The following ATXN1 variants were observed in gnomAD, a reference collection of about 807,000 sequenced individuals.
ATXN1 encodes the protein ataxin 1.
A neutral mutation model predicts 56.4 loss-of-function variants in ATXN1; 8 were observed. The observed-to-expected ratio is 0.14, with a 90% CI of 0.08 to 0.26. The LOEUF is 0.26. Ranked by LOEUF, ATXN1 falls within the 10% of genes least tolerant of loss-of-function variation. ATXN1 has a pLI of 1.00. For synonymous variants in ATXN1, 514 were observed against 494.6 expected (o/e 1.04, Z -0.52); for missense variants, 987 against 1,106.5 (o/e 0.89, Z 1.53).
chr6:16,670,947 T>C (rs879653101), intron 2 of ATXN1, among the ~76,000 whole-genome samples: 1 of 152,232 alleles, frequency 6.6e-6, no homozygotes, highest in Non-Finnish European at 1.5e-5. Flanking sequence ...GTGGAACATA[T>C]AATCTAGATT....
intron 3 of ATXN1, among the ~76,000 whole-genome samples, chr6:16,589,171 G>A (rs545850368): frequency 2.6e-5 from 4 of 152,086 alleles, no homozygotes; most frequent in Admixed American, 1.3e-4. Context: ...TGGGAAGTGG[G>A]GGCCCTTTTC....
chr6:16,518,939 T>C (rs1448534226), intron 5 of ATXN1, among the ~76,000 whole-genome samples: 1 of 152,194 alleles, frequency 6.6e-6, no homozygotes, highest in Non-Finnish European at 1.5e-5. Flanking sequence ...TCTTACCTTG[T>C]GACTTTATAT....
intron 4 of ATXN1, among the ~76,000 whole-genome samples, chr6:16,569,623 T>C (rs1762295162): frequency 6.6e-6 from 1 of 151,118 alleles, no homozygotes; most frequent in Non-Finnish European, 1.5e-5. Flanking sequence ...AGGGTACTCA[T>C]GGCCAAATCT....
chr6:16,382,326 G>A (rs768876819), intron 6 of ATXN1, among the ~76,000 whole-genome samples: 2 of 151,776 alleles, frequency 1.3e-5, no homozygotes, highest in Admixed American at 6.6e-5. Context: ...ACCCAGGTAC[G>A]GTGGTGTGCA....
At chr6:16,374,232 C>G (rs1020331237) in intron 6 of ATXN1, among the ~76,000 whole-genome samples, 2 of 149,706 alleles carry the variant, frequency 1.3e-5, no homozygotes, top group African/African-American at 4.9e-5. Context: ...AATTAGGGAA[C>G]AAGACCATAT....
intron 6 of ATXN1, among the ~76,000 whole-genome samples, chr6:16,412,745 C>A (rs1190793890): frequency 2.6e-5 from 4 of 152,182 alleles, no homozygotes; most frequent in Non-Finnish European, 4.4e-5. Flanking sequence ...AAGGCCTTTA[C>A]ATATAAAGCT....
intron 4 of ATXN1, among the ~76,000 whole-genome samples, chr6:16,575,023 T>C (rs894740511): frequency 6.6e-6 from 1 of 152,114 alleles, no homozygotes; most frequent in Non-Finnish European, 1.5e-5. Context: ...AGTGAGATTA[T>C]GCCTTTTCAG....
intron 6 of ATXN1, among the ~76,000 whole-genome samples, chr6:16,397,349 C>T (rs1044892660): frequency 6.6e-6 from 1 of 152,168 alleles, no homozygotes; most frequent in African/African-American, 2.4e-5. Flanking sequence ...TGGCTCACTG[C>T]AACCTCCACC....
At chr6:16,727,809 A>C (rs1471287946) in intron 2 of ATXN1, among the ~76,000 whole-genome samples, 1 of 152,206 alleles carries the variant, frequency 6.6e-6, no homozygotes, top group Non-Finnish European at 1.5e-5. Context: ...AAAATTAACA[A>C]AATTTCTGTC....
rs1165455203 is a variant in ATXN1 at position 16,326,770 on chromosome 6, T to G, written c.1541A>C (p.Gln514Pro). 1 of 1,612,508 alleles carries G rather than the reference T, an allele frequency of 6.2e-7. No homozygotes were observed. The highest frequency in any genetic ancestry group is 8.5e-7 in the Non-Finnish European group (1 of 1,179,098). Residue 514 changes from glutamine to proline, a missense_variant, in exon 7 of 8, where the codon CAG becomes CCG. Transcript: ENST00000436367. The surrounding 1 kb of genome is among the most constrained non-coding windows in gnomAD (Gnocchi z 6.6). ...GAACGTGTGAGGCACTGCAGCAAAC[T>G]GGGGGGATGACGTGACTATGGCCGG... ...AAPAIVTSSP[Q>P]FAAVPHTFVT...
At chr6:16,512,602 C>T (rs181471459) in intron 5 of ATXN1, among the ~76,000 whole-genome samples, 4 of 151,940 alleles carry the variant, frequency 2.6e-5, no homozygotes, top group East Asian at 3.9e-4. Flanking sequence ...CTTTTTTTGT[C>T]GCAATCGGTT....
chr6:16,397,178 GTATTTATAT>G, intron 6 of ATXN1, among the ~76,000 whole-genome samples: 1 of 152,302 alleles, frequency 6.6e-6, no homozygotes, highest in Non-Finnish European at 1.5e-5. Flanking sequence ...CACAGTGAGA[GTATTTATAT>G]TACAGAAATC....
At chr6:16,608,933 G>A (rs1763057406) in intron 3 of ATXN1, among the ~76,000 whole-genome samples, 1 of 152,004 alleles carries the variant, frequency 6.6e-6, no homozygotes, top group Admixed American at 6.6e-5. Flanking sequence ...TCCCCTCTCT[G>A]TCTTTAGAGC....
chr6:16,524,462 C>T (rs1031357425), intron 4 of ATXN1, among the ~76,000 whole-genome samples: 7 of 152,206 alleles, frequency 4.6e-5, no homozygotes, highest in East Asian at 1.9e-4. Context: ...GTCTACAGTA[C>T]GAATTCTTGA....
At chr6:16,715,137 G>A (rs1340621336) in intron 2 of ATXN1, among the ~76,000 whole-genome samples, 5 of 152,074 alleles carry the variant, frequency 3.3e-5, no homozygotes, top group Admixed American at 6.5e-5. Context: ...CGTCCACACT[G>A]GGTCAAATCT....
At chr6:16,610,474 C>G (rs190972624) in intron 3 of ATXN1, among the ~76,000 whole-genome samples, 1 of 152,042 alleles carries the variant, frequency 6.6e-6, no homozygotes, top group Admixed American at 6.5e-5. Context: ...GAAAAAAAAT[C>G]AGATTTCTGA....
At chr6:16,723,240 T>C (rs1759781690) in intron 2 of ATXN1, among the ~76,000 whole-genome samples, 1 of 152,210 alleles carries the variant, frequency 6.6e-6, no homozygotes, top group South Asian at 2.1e-4. Flanking sequence ...AGTAACATAC[T>C]ATATTATCAT....
intron 2 of ATXN1, among the ~76,000 whole-genome samples, chr6:16,695,273 A>G (rs1237259005): frequency 6.6e-6 from 1 of 152,212 alleles, no homozygotes; most frequent in Non-Finnish European, 1.5e-5. Flanking sequence ...TACTTTTGGG[A>G]AAAATCTGTT....
intron 6 of ATXN1, among the ~76,000 whole-genome samples, chr6:16,469,125 T>C (rs980324681): frequency 8.5e-5 from 13 of 152,266 alleles, no homozygotes; most frequent in East Asian, 1.9e-4. Flanking sequence ...GATGAATAAA[T>C]GAGTGAAATG....
Sources: allele counts gnomAD v4.1 joint callset (sites outside exome capture counted in the v4.1 genomes callset), GRCh38; gene constraint gnomAD v4.1.1; non-coding constraint Gnocchi (gnomAD v3.1); transcripts MANE v1.5; gene names NCBI Gene and HGNC (gene_info 2026-07-23, HGNC 2026-07-21).